SPPL2B: variants seen among roughly 807,000 people sequenced by gnomAD.
SPPL2B encodes the protein signal peptide peptidase like 2B.
A neutral mutation model predicts 59.7 loss-of-function variants in SPPL2B; 39 were observed. The observed-to-expected ratio is 0.65, with a 90% CI of 0.51 to 0.85. The LOEUF is 0.85. Among genes scored for constraint, SPPL2B ranks in the 40% least tolerant of loss-of-function variants. The probability of loss-of-function intolerance (pLI) is 0.00; values close to 1 mark genes in which losing one functional copy is unlikely to be tolerated. For synonymous variants in SPPL2B, 419 were observed against 370.8 expected (o/e 1.13, Z -1.49); for missense variants, 865 against 849.0 (o/e 1.02, Z -0.23).
chr19:2,348,817 C>A (rs1969676292), intron 13 of SPPL2B, among the ~76,000 whole-genome samples: 1 of 141,804 alleles, frequency 7.1e-6, no homozygotes, highest in Admixed American at 7.2e-5. Context: ...CACTCGTGTT[C>A]TCATTCGCTT....
At chr19:2,331,290 C>T (rs945212927) in intron 1 of SPPL2B, among the ~76,000 whole-genome samples, 2 of 152,298 alleles carry the variant, frequency 1.3e-5, no homozygotes, top group Non-Finnish European at 2.9e-5. Context: ...CACTTGGAAG[C>T]GGGGTTTCTA....
Position 2,339,787 on chromosome 19 carries a change from G to A in SPPL2B, c.600-37G>A, listed in dbSNP as rs371963052. 121 of 1,591,502 alleles carry A rather than the reference G, an allele frequency of 7.6e-5. No homozygotes were observed. The African/African-American group carries it at 1.1e-3, about 14-fold the overall frequency. ...CTCCCGAGCCCCGTGTCGGCCAGCC[G>A]GCCCCAGGGCCCCACGACCCCATGG... On this transcript the variant is annotated intron_variant, in intron 5 of 14. Coordinates refer to ENST00000613503, the MANE Select transcript of SPPL2B (RefSeq NM_152988.3).
chr19:2,338,834 T>C lies in SPPL2B; in HGVS notation c.452T>C (p.Ile151Thr). The change falls in exon 4 of 15, where the codon ATC becomes ACC. Residue 151 changes from isoleucine to threonine, a missense_variant. Coordinates refer to ENST00000613503, the MANE Select transcript of SPPL2B (RefSeq NM_152988.3). ...ALLSYKDMLD[I>T]FTRFGRTVRA... ...CTCAGCTACAAAGACATGCTGGACA[T>C]CTTCACGGTAGGTCTGCGCCGGCTC... 6.2e-7 allele frequency: 1 copy of C among 1,613,270 alleles called. No individual in the cohort carries two copies.
intron 13 of SPPL2B, among the ~76,000 whole-genome samples, chr19:2,349,646 G>A (rs1254943978): frequency 6.8e-5 from 5 of 73,860 alleles, no homozygotes; most frequent in East Asian, 4.0e-4. Context: ...GCTTGATTCC[G>A]TTCTCTCTCT....
rs1288204060 is a variant in SPPL2B, at chr19:2,345,249, C to T, written c.1277-4C>T. The T allele has an allele frequency of 5.0e-6, 8 of 1,611,818 alleles. No individual in the cohort carries two copies. The South Asian group carries it at 8.8e-5, about 18-fold the overall frequency. On this transcript the variant is annotated splice_region_variant and splice_polypyrimidine_tract_variant and intron_variant, in intron 12 of 14. Transcript: ENST00000613503. ...AGTAAGCCTCCGCCCTGTGCCTCCCCCAGGGCTGCTGGTGGCCTACTGCCA... is the reference window on the plus strand; with the variant it reads ...AGTAAGCCTCCGCCCTGTGCCTCCCTCAGGGCTGCTGGTGGCCTACTGCCA...
chr19:2,331,318 AC>A (rs900812368), intron 1 of SPPL2B, among the ~76,000 whole-genome samples: 44 of 152,156 alleles, frequency 2.9e-4, no homozygotes, highest in Non-Finnish European at 2.2e-4. Context: ...TAGTTTCTGA[AC>A]CTGTGTGCGG....
At chr19:2,348,490 C>G (rs1309979468) in intron 13 of SPPL2B, among the ~76,000 whole-genome samples, 1 of 150,212 alleles carries the variant, frequency 6.7e-6, no homozygotes, top group African/African-American at 2.5e-5. Context: ...TCTCCACACA[C>G]ACTCACGCTC....
At chr19:2,338,655 G>T in intron 3 of SPPL2B, 97 bp from the exon 4 acceptor site, 1 of 802,072 alleles carries the variant, frequency 1.2e-6, no homozygotes, top group Non-Finnish European at 2.0e-6. Context: ...CCCGAGCCTC[G>T]AGTGAGGGTC....
At chr19:2,329,908 GC>G (rs1216024618) in intron 1 of SPPL2B, among the ~76,000 whole-genome samples, 2 of 152,072 alleles carry the variant, frequency 1.3e-5, no homozygotes, top group Non-Finnish European at 2.9e-5. Context: ...AGGCTGTCGG[GC>G]CCCCTCGGAA....
intron 7 of SPPL2B, 41 bp downstream of exon 7, chr19:2,340,213 C>A (rs373233617): frequency 4.2e-6 from 6 of 1,445,708 alleles, no homozygotes; most frequent in Admixed American, 2.3e-5. Context: ...TGACTCTGTG[C>A]GGTGATGGCC....
rs753633229 is a variant in SPPL2B, at chr19:2,334,764, G to C, written c.186+43G>C. 6.8e-6 allele frequency: 10 copies of C among 1,478,752 alleles called. No homozygotes were observed. The Admixed American group carries it at 2.4e-4, about 35-fold the overall frequency. The allele number at this position is 1,478,752 out of a possible 1,614,324, so 91.6% of individuals were successfully genotyped here. On this transcript the variant is annotated intron_variant, in intron 2 of 14. Coordinates refer to ENST00000613503, the MANE Select transcript of SPPL2B (RefSeq NM_152988.3). Reference sequence around the variant, plus strand: ...GGGCGCCGCTGCGGAGGAGAATGCGGGGGCCCCGGGGCTCTAGAGACACAT... The same window carrying C: ...GGGCGCCGCTGCGGAGGAGAATGCGCGGGCCCCGGGGCTCTAGAGACACAT...
At position 2,340,945 on chromosome 19, in the gene SPPL2B, G is replaced by C; in HGVS notation, c.887G>C (p.Arg296Pro). ...LPYFHKRPQA[R>P]MLLLALFCVA... ...TACTTCCACAAGCGCCCGCAGGCCC[G>C]TATGCTGCTCCTGGCGCTCTTCTGC... The change falls in exon 8 of 15, where the codon CGT becomes CCT. Residue 296 changes from arginine to proline, a missense_variant. Coordinates refer to ENST00000613503, the MANE Select transcript of SPPL2B (RefSeq NM_152988.3). 1.2e-6 allele frequency: 2 copies of C among 1,603,384 alleles called. No individual in the cohort carries two copies. Among genetic ancestry groups the C allele is most frequent in the East Asian group, 2.2e-5 (1 of 44,860 alleles).
rs902775157 is a variant in SPPL2B at position 2,354,401 on chromosome 19, G to T, written c.*1192G>T. 2 of 152,272 alleles carry T rather than the reference G, an allele frequency of 1.3e-5. No homozygotes were observed. Among genetic ancestry groups the T allele is most frequent in the African/African-American group, 4.8e-5 (2 of 41,444 alleles). 9.4% of individuals were successfully genotyped at this position (152,272 alleles called of 1,614,324 possible). A position where few individuals can be genotyped will look rare whatever the true frequency, so the allele number is the denominator to read the frequency against. On this transcript the variant is annotated 3_prime_UTR_variant, in exon 15 of 15. Transcript: ENST00000613503. ...CCCTGTGGCCGCAGAGACAGAGCCCGCACCCTGGCTGTCTGTGGTGCCTGG... is the reference window on the plus strand; with the variant it reads ...CCCTGTGGCCGCAGAGACAGAGCCCTCACCCTGGCTGTCTGTGGTGCCTGG...
intron 7 of SPPL2B, 86 bp from the exon 8 acceptor site, chr19:2,340,812 G>C (rs1447293919): frequency 1.4e-6 from 1 of 734,166 alleles, no homozygotes. Context: ...TCTGCAGGGG[G>C]TGCCTGGGCC....
chr19:2,335,361 G>A (rs1209059900), intron 2 of SPPL2B, among the ~76,000 whole-genome samples: 1 of 109,450 alleles, frequency 9.1e-6, no homozygotes, highest in Non-Finnish European at 1.9e-5. Context: ...TTCAGGCCCC[G>A]CCTCCTTTCT....
At position 2,354,897 on chromosome 19, in the gene SPPL2B, C is replaced by G. The variant is rs1261872078; in HGVS notation, c.*1688C>G. 6.6e-6 allele frequency: 1 copy of G among 152,330 alleles called. No homozygotes were observed. The highest frequency in any genetic ancestry group is 2.4e-5 in the African/African-American group (1 of 41,462). The allele number at this position is 152,330 out of a possible 1,614,324, so 9.4% of individuals were successfully genotyped here. A position where few individuals can be genotyped will look rare whatever the true frequency, so the allele number is the denominator to read the frequency against. ...AACTGAGAGCTGGCAGGCCGCCTGG[C>G]TGTCCTGCAGAGGACGGATTGGAAT... On this transcript the variant is annotated 3_prime_UTR_variant, in exon 15 of 15. Coordinates refer to ENST00000613503, the MANE Select transcript of SPPL2B (RefSeq NM_152988.3).
chr19:2,345,533 C>A (rs1969316197), intron 13 of SPPL2B, among the ~76,000 whole-genome samples: 1 of 152,058 alleles, frequency 6.6e-6, no homozygotes, highest in Non-Finnish European at 1.5e-5. Flanking sequence ...GCCTGCATCC[C>A]CCTCTTTCTC....
chr19:2,346,128 C>G (rs1353541663), intron 13 of SPPL2B, among the ~76,000 whole-genome samples: 1 of 152,216 alleles, frequency 6.6e-6, no homozygotes, highest in Non-Finnish European at 1.5e-5. Context: ...AAAAATGTCC[C>G]CCACCGCAGC....
chr19:2,353,496 G>T lies in SPPL2B; in HGVS notation c.*287G>T. 1 of 458,590 alleles carries T rather than the reference G, an allele frequency of 2.2e-6. No homozygotes were observed. Among genetic ancestry groups the T allele is most frequent in the Non-Finnish European group, 3.9e-6 (1 of 257,236 alleles). 28.4% of individuals were successfully genotyped at this position (458,590 alleles called of 1,614,324 possible). A position where few individuals can be genotyped will look rare whatever the true frequency, so the allele number is the denominator to read the frequency against. ...GGTCCGTCCTCGCAGGCCCTGCCCG[G>T]CCTCTCTGCAGACCCTCAAGCGTCG... On this transcript the variant is annotated 3_prime_UTR_variant, in exon 15 of 15. Transcript: ENST00000613503.
Sources: gnomAD v4.1 joint callset for allele counts (sites outside exome capture counted in the v4.1 genomes callset) on GRCh38, gnomAD v4.1.1 for gene constraint, MANE v1.5 for transcripts, NCBI Gene and HGNC (gene_info 2026-07-23, HGNC 2026-07-21) for gene names.